The following FBXO34 variants were observed in gnomAD, a reference collection of about 807,000 sequenced individuals.
FBXO34 encodes the protein F-box only protein 34.
A neutral mutation model predicts 24.5 loss-of-function variants in FBXO34; 12 were observed. The observed-to-expected ratio is 0.49, with a 90% CI of 0.31 to 0.79. The LOEUF (loss-of-function observed/expected upper bound fraction) is 0.79. Ranked by LOEUF, FBXO34 falls within the 30% of genes least tolerant of loss-of-function variation. FBXO34 has a pLI of 0.04. For missense variants in FBXO34, 823 were observed against 857.7 expected, an observed-to-expected ratio of 0.96 and a Z score of 0.51; for synonymous variants, 320 against 311.9, an observed-to-expected ratio of 1.03 and a Z score of -0.27.
chr14:55,374,769 C>T (rs187972196), downstream of FBXO34, among the ~76,000 whole-genome samples: 560 of 152,302 alleles, frequency 3.7e-3, 3 homozygotes, highest in Middle Eastern at 0.034. Context: ...GCTATTGAAC[C>T]ATTATCTGAT....
the FBXO34 span, among the ~76,000 whole-genome samples, chr14:55,421,129 T>C: frequency 1.3e-5 from 2 of 152,016 alleles, no homozygotes; most frequent in African/African-American, 4.8e-5. Context: ...TTAAGGGCAT[T>C]TAAAGAAATC....
chr14:55,435,878 A>C, the FBXO34 span: 2 of 1,573,480 alleles, frequency 1.3e-6, no homozygotes, highest in South Asian at 2.4e-5. Flanking sequence ...TTTTGCATGC[A>C]AAGCTATTTT....
chr14:55,392,648 CAAA>C, the FBXO34 span, among the ~76,000 whole-genome samples: 5 of 51,888 alleles, frequency 9.6e-5, no homozygotes, highest in African/African-American at 1.5e-4. Context: ...GACTCCACCT[CAAA>C]AAAAAAAAAA....
At chr14:55,381,765 G>A in the FBXO34 span, among the ~76,000 whole-genome samples, 1 of 149,432 alleles carries the variant, frequency 6.7e-6, no homozygotes, top group Non-Finnish European at 1.5e-5. Context: ...GTGGGGAAAT[G>A]TGACACTTTC....
chr14:55,405,552 G>A, the FBXO34 span, among the ~76,000 whole-genome samples: 1 of 152,150 alleles, frequency 6.6e-6, no homozygotes, highest in Admixed American at 6.5e-5. Flanking sequence ...CATTTCCCCA[G>A]GTATCCTTAG....
intron 1 of FBXO34, among the ~76,000 whole-genome samples, chr14:55,306,145 AAGTTG>A (rs1158518669): frequency 1.3e-5 from 2 of 152,262 alleles, no homozygotes; most frequent in Admixed American, 1.3e-4. Context: ...GTAAGCCATG[AAGTTG>A]AGTTATGTGA....
the FBXO34 span, chr14:55,411,846 C>T: frequency 1.9e-6 from 3 of 1,558,220 alleles, no homozygotes; most frequent in Admixed American, 3.8e-5. Flanking sequence ...GAGAGCCAGT[C>T]ACGTGGGATT....
At chr14:55,406,391 A>C in the FBXO34 span, among the ~76,000 whole-genome samples, 4 of 152,348 alleles carry the variant, frequency 2.6e-5, no homozygotes, top group African/African-American at 9.6e-5. Flanking sequence ...GTGGTTTTCT[A>C]CAGTTAGTGA....
At chr14:55,432,592 A>G in the FBXO34 span, among the ~76,000 whole-genome samples, 262 of 152,336 alleles carry the variant, frequency 1.7e-3, no homozygotes, top group South Asian at 6.6e-3. Context: ...CTGCACTTCT[A>G]AAAAGTTATT....
chr14:55,327,936 T>C (rs1883403009), intron 1 of FBXO34, among the ~76,000 whole-genome samples: 1 of 80,522 alleles, frequency 1.2e-5, no homozygotes, highest in Non-Finnish European at 2.6e-5. Flanking sequence ...TTTTTTTTTT[T>C]TTTTTTTGGA....
chr14:55,440,913 C>A, the FBXO34 span, among the ~76,000 whole-genome samples: 2 of 152,246 alleles, frequency 1.3e-5, no homozygotes, highest in African/African-American at 4.8e-5. Flanking sequence ...CCAGTGCCAT[C>A]TTGGCTCACT....
the FBXO34 span, chr14:55,395,926 G>GT: frequency 2.2e-5 from 35 of 1,565,742 alleles, no homozygotes; most frequent in Non-Finnish European, 3.0e-5. Context: ...AAAAGAACAT[G>GT]TATTACAACT....
At chr14:55,412,930 C>A in the FBXO34 span, among the ~76,000 whole-genome samples, 2 of 152,150 alleles carry the variant, frequency 1.3e-5, no homozygotes, top group South Asian at 2.1e-4. Context: ...TCATATTAGC[C>A]CGTCCCTCCC....
At chr14:55,282,230 TGATCC>T (rs1881575340) in intron 1 of FBXO34, 3 of 274,364 alleles carry the variant, frequency 1.1e-5, no homozygotes, top group Non-Finnish European at 2.2e-5. Flanking sequence ...CCTTACCTCA[TGATCC>T]GCCCGCCTCA....
At chr14:55,382,168 T>A in the FBXO34 span, 2 of 1,614,180 alleles carry the variant, frequency 1.2e-6, no homozygotes, top group South Asian at 1.1e-5. Flanking sequence ...ACTGTCACTC[T>A]CTGAAGACAC....
rs866046100 is a variant in FBXO34, at chr14:55,332,023, T to C, written c.-10-18358T>C. On this transcript the variant is annotated intron_variant, in intron 1 of 1. Transcript: ENST00000313833. ...TGGTGTATATATAAAAATATATATA[T>C]ACCACCGTGGTGGTATATATAAAAA... Among the ~76,000 whole-genome samples the C allele has an allele frequency of 8.9e-3, 576 of 64,970 alleles. 37 individuals carry two copies. The highest frequency in any genetic ancestry group is 0.045 in the Admixed American group (326 of 7,238). The allele number at this position is 64,970 out of a possible 152,430, so 42.6% of individuals were successfully genotyped here.
At chr14:55,393,873 T>A in the FBXO34 span, among the ~76,000 whole-genome samples, 2,081 of 152,206 alleles carry the variant, frequency 0.014, 55 homozygotes, top group African/African-American at 0.047. Flanking sequence ...AGTATATTTA[T>A]ATTTAAAATA....
At chr14:55,354,693 A>G (rs1311390506), downstream of FBXO34, 1 of 152,274 alleles carries the variant, frequency 6.6e-6, no homozygotes, top group African/African-American at 2.4e-5. Context: ...TGCTGTCTGC[A>G]TGAAAGGTGG....
chr14:55,273,783 G>C (rs1174326858), intron 1 of FBXO34, among the ~76,000 whole-genome samples: 1 of 152,144 alleles, frequency 6.6e-6, no homozygotes, highest in Non-Finnish European at 1.5e-5. Flanking sequence ...CTACACGGCT[G>C]TATGTAAGTT....
Sources: allele counts gnomAD v4.1 joint callset (sites outside exome capture counted in the v4.1 genomes callset), GRCh38; gene constraint gnomAD v4.1.1; transcripts MANE v1.5; gene names NCBI Gene and HGNC (gene_info 2026-07-23, HGNC 2026-07-21).